Variants in ATRNL1 observed in about 807,000 individuals in gnomAD.
The protein encoded by ATRNL1 is attractin like 1.
ATRNL1 carries 95 observed loss-of-function variants against 182.7 expected under a neutral mutation model. The observed-to-expected ratio is 0.52, with a 90% CI of 0.44 to 0.62. The LOEUF (loss-of-function observed/expected upper bound fraction) is 0.62, where lower values mean the gene tolerates loss of function less well. Ranked by LOEUF, ATRNL1 falls within the 20% of genes least tolerant of loss-of-function variation. The pLI, the probability that ATRNL1 is intolerant of heterozygous loss-of-function variation, is 0.00. For missense variants in ATRNL1, 1,471 were observed against 1,679.5 expected, an observed-to-expected ratio of 0.88 and a Z score of 2.17; for synonymous variants, 576 against 568.3, an observed-to-expected ratio of 1.01 and a Z score of -0.19.
intron 26 of ATRNL1, among the ~76,000 whole-genome samples, chr10:115,681,552 C>G (rs782134862): frequency 3.3e-5 from 5 of 152,050 alleles, no homozygotes; most frequent in Non-Finnish European, 7.4e-5. Flanking sequence ...CAACTGTATA[C>G]TAGTATCCTT....
intron 18 of ATRNL1, among the ~76,000 whole-genome samples, chr10:115,323,406 T>TCCCCCCCCCCCCCCCCC (rs1854688291): frequency 9.3e-5 from 1 of 10,712 alleles, no homozygotes. Flanking sequence ...GATTTCTCCC[T>TCCCCCCCCCCCCCCCCC]CCCCTCCCCT....
Position 115,945,008 on chromosome 10 carries a change from T to A in ATRNL1, c.*229T>A, listed in dbSNP as rs1367252924. On this transcript the variant is annotated 3_prime_UTR_variant, in exon 29 of 29. Transcript: ENST00000355044. ...TCAGTTTTTACCACTATCTTAGGCTTATTATAGCTAACATTAAATTACTCT... is the reference window on the plus strand; with the variant it reads ...TCAGTTTTTACCACTATCTTAGGCTAATTATAGCTAACATTAAATTACTCT... The A allele has an allele frequency of 5.9e-6, 2 of 338,060 alleles. No homozygotes were observed. Among genetic ancestry groups the A allele is most frequent in the Non-Finnish European group, 1.1e-5 (2 of 190,038 alleles). The allele number at this position is 338,060 out of a possible 1,614,324, so 20.9% of individuals were successfully genotyped here.
intron 13 of ATRNL1, among the ~76,000 whole-genome samples, chr10:115,272,500 T>C (rs527755267): frequency 6.6e-6 from 1 of 152,246 alleles, no homozygotes; most frequent in South Asian, 2.1e-4. Context: ...AATTATTCCT[T>C]CCTCTGGAAT....
chr10:115,094,131 C>G (rs1592086729), intron 1 of ATRNL1, 88 bp downstream of exon 1: 2 of 1,223,050 alleles, frequency 1.6e-6, no homozygotes, highest in South Asian at 2.5e-5. Flanking sequence ...TCCCCCGCCC[C>G]CGTCGCTGCC....
chr10:115,126,596 CAA>C (rs1844985466), intron 3 of ATRNL1, among the ~76,000 whole-genome samples: 1 of 152,074 alleles, frequency 6.6e-6, no homozygotes, highest in Admixed American at 6.6e-5. Context: ...AGCGTTAAAT[CAA>C]GAGTTGATTA....
rs79782518 is a variant in ATRNL1, at chr10:115,452,806, A to G, written c.3323-9135A>G. Among the ~76,000 whole-genome samples the G allele has an allele frequency of 9.3e-3, 1,423 of 152,252 alleles. 22 individuals are homozygous for G. The highest frequency in any genetic ancestry group is 0.086 in the East Asian group (445 of 5,188). On this transcript the variant is annotated intron_variant, in intron 21 of 28. Coordinates refer to ENST00000355044, the MANE Select transcript of ATRNL1 (RefSeq NM_207303.4). Reference sequence around the variant, plus strand: ...GATCATCAGAGCTTAATCATTTTGCATAACTGAAGCTTTGTACCCTTTGAG... The same window carrying G: ...GATCATCAGAGCTTAATCATTTTGCGTAACTGAAGCTTTGTACCCTTTGAG...
At chr10:115,444,657 A>G (rs1554966310) in intron 21 of ATRNL1, among the ~76,000 whole-genome samples, 7 of 151,206 alleles carry the variant, frequency 4.6e-5, no homozygotes, top group Non-Finnish European at 1.0e-4. Flanking sequence ...TTTTTTTTCA[A>G]AACTGATATG....
At chr10:115,204,342 G>A (rs1306697783) in intron 8 of ATRNL1, among the ~76,000 whole-genome samples, 2 of 151,960 alleles carry the variant, frequency 1.3e-5, no homozygotes, top group African/African-American at 4.8e-5. Flanking sequence ...TAGAAGTGGT[G>A]GGAATGAGCA....
chr10:115,412,990 A>G (rs1347988093), intron 20 of ATRNL1, among the ~76,000 whole-genome samples: 1 of 152,180 alleles, frequency 6.6e-6, no homozygotes, highest in Non-Finnish European at 1.5e-5. Context: ...TTGATTCCAG[A>G]TCATATTATT....
intron 18 of ATRNL1, among the ~76,000 whole-genome samples, chr10:115,317,956 G>T (rs1301076910): frequency 1.3e-5 from 2 of 152,096 alleles, no homozygotes. Context: ...GTGAGAGAGG[G>T]CATTCTTGTC....
In ATRNL1 at chr10:115,509,296, T is replaced by C. The variant is rs746644615; in HGVS notation, c.3655-9967T>C. ...GATGTGTAAGGAGATTAATGCTGTT[T>C]CATGCCTGCTAACACAATAACTGAT... On this transcript the variant is annotated intron_variant, in intron 24 of 28. Transcript: ENST00000355044. Among the ~76,000 whole-genome samples, 10 of 152,022 alleles carry C rather than the reference T, an allele frequency of 6.6e-5. No homozygotes were observed. In the South Asian group the frequency reaches 1.0e-3, roughly 16 times the overall value.
At chr10:115,623,369 A>T (rs1050976838) in intron 26 of ATRNL1, among the ~76,000 whole-genome samples, 3 of 152,194 alleles carry the variant, frequency 2.0e-5, no homozygotes, top group Non-Finnish European at 2.9e-5. Context: ...AACAAATTTT[A>T]AAATGTAAGC....
intron 24 of ATRNL1, among the ~76,000 whole-genome samples, chr10:115,506,605 T>A (rs1186442173): frequency 6.6e-6 from 1 of 152,068 alleles, no homozygotes; most frequent in African/African-American, 2.4e-5. Flanking sequence ...CTGCCTTTCA[T>A]CATCATGGAA....
intron 28 of ATRNL1, among the ~76,000 whole-genome samples, chr10:115,921,930 A>T (rs1953076153): frequency 6.6e-6 from 1 of 152,232 alleles, no homozygotes; most frequent in Non-Finnish European, 1.5e-5. Context: ...TTGTATTTCA[A>T]ACCTATGACT....
At chr10:115,267,868 T>G (rs373266408) in intron 12 of ATRNL1, among the ~76,000 whole-genome samples, 1 of 152,118 alleles carries the variant, frequency 6.6e-6, no homozygotes, top group East Asian at 1.9e-4. Flanking sequence ...TTCAAGCAAT[T>G]CTGCTGCCTT....
intron 26 of ATRNL1, among the ~76,000 whole-genome samples, chr10:115,610,891 A>G (rs1857120408): frequency 6.6e-6 from 1 of 152,182 alleles, no homozygotes; most frequent in Non-Finnish European, 1.5e-5. Context: ...AATGAAGACT[A>G]TTTTCATTGT....
intron 28 of ATRNL1, among the ~76,000 whole-genome samples, chr10:115,855,915 C>G (rs1277173269): frequency 1.3e-5 from 2 of 152,142 alleles, no homozygotes; most frequent in African/African-American, 2.4e-5. Flanking sequence ...CTTCTGTTTT[C>G]ATGATTTGAA....
intron 27 of ATRNL1, among the ~76,000 whole-genome samples, chr10:115,795,826 C>G (rs1270838161): frequency 3.3e-5 from 5 of 152,152 alleles, no homozygotes; most frequent in Non-Finnish European, 5.9e-5. Flanking sequence ...CCACCAGGCC[C>G]CACCTTCAAC....
intron 1 of ATRNL1, among the ~76,000 whole-genome samples, chr10:115,099,414 T>C (rs183508921): frequency 6.6e-6 from 1 of 152,350 alleles, no homozygotes; most frequent in East Asian, 1.9e-4. Context: ...TTTTTATCTT[T>C]GTATGGTCAT....
Sources: allele counts gnomAD v4.1 joint callset (sites outside exome capture counted in the v4.1 genomes callset), GRCh38; gene constraint gnomAD v4.1.1; transcripts MANE v1.5; gene names NCBI Gene and HGNC (gene_info 2026-07-23, HGNC 2026-07-21).